Variants in SLC12A7 observed in about 807,000 individuals in gnomAD.
SLC12A7 encodes the protein solute carrier family 12 member 7.
In SLC12A7, 100 loss-of-function variants were observed where a neutral mutation model predicts 120.6. The ratio of observed to expected loss-of-function variants is 0.83; its 90% CI spans 0.71 to 0.98. The LOEUF (loss-of-function observed/expected upper bound fraction) is 0.98. SLC12A7 is among the 50% of genes least tolerant of loss of function. SLC12A7 has a pLI of 0.00. For missense variants in SLC12A7, 1,373 were observed against 1,548.1 expected, an observed-to-expected ratio of 0.89 and a Z score of 1.90; for synonymous variants, 760 against 678.0, an observed-to-expected ratio of 1.12 and a Z score of -1.88.
intron 1 of SLC12A7, among the ~76,000 whole-genome samples, chr5:1,105,824 C>G (rs576074754): frequency 1.3e-4 from 20 of 152,308 alleles, no homozygotes; most frequent in Non-Finnish European, 2.5e-4. Context: ...CCAGACACCC[C>G]CAGCCCAGCC....
At chr5:1,108,330 G>A (rs773125268) in intron 1 of SLC12A7, among the ~76,000 whole-genome samples, 9 of 152,248 alleles carry the variant, frequency 5.9e-5, no homozygotes, top group Admixed American at 2.0e-4. Flanking sequence ...CAGCAGCCAC[G>A]GCGTTCCTGT....
intron 21 of SLC12A7, among the ~76,000 whole-genome samples, chr5:1,059,695 G>A (rs931027138): frequency 1.3e-5 from 2 of 150,974 alleles, no homozygotes; most frequent in African/African-American, 4.9e-5. Context: ...AGTTACCCAC[G>A]GAGCCAAAGC....
intron 1 of SLC12A7, among the ~76,000 whole-genome samples, chr5:1,103,726 C>G (rs1387238972): frequency 6.6e-6 from 1 of 152,236 alleles, no homozygotes; most frequent in Non-Finnish European, 1.5e-5. Context: ...CCAGACTGCA[C>G]GACCCACGGG....
At chr5:1,135,114 A>C in the SLC12A7 span, among the ~76,000 whole-genome samples, 170 of 152,342 alleles carry the variant, frequency 1.1e-3, no homozygotes, top group Non-Finnish European at 2.1e-3. Flanking sequence ...GCGACAGGGC[A>C]AGACTCCATC....
chr5:1,068,681 C>T (rs893631893), intron 17 of SLC12A7, among the ~76,000 whole-genome samples: 3 of 152,200 alleles, frequency 2.0e-5, no homozygotes, highest in Non-Finnish European at 2.9e-5. Context: ...TCCGCAAGAG[C>T]GGGCTCCTGT....
chr5:1,058,986 G>A (rs1166040615), intron 21 of SLC12A7, among the ~76,000 whole-genome samples: 1 of 152,168 alleles, frequency 6.6e-6, no homozygotes, highest in African/African-American at 2.4e-5. Flanking sequence ...GTCCCTCCTC[G>A]GTCAGCATTT....
upstream of SLC12A7, among the ~76,000 whole-genome samples, chr5:1,113,969 G>A (rs544775293): frequency 6.6e-6 from 1 of 152,296 alleles, no homozygotes; most frequent in African/African-American, 2.4e-5. Context: ...GGCTCCCGTC[G>A]CACATCCAAG....
At position 1,093,615 on chromosome 5, in the gene SLC12A7, T is replaced by C. The variant is rs774886687; in HGVS notation, c.260A>G (p.Asn87Ser). The change falls in exon 3 of 24, where the codon AAC (asparagine) becomes AGC (serine). Residue 87 changes from asparagine to serine, a missense_variant. Transcript: ENST00000264930. Reference sequence around the variant, plus strand: ...CAGGTTGGTGTAGTTGGCCAGCTTGTTGAGCAGCGAGGACACCATGGGGTT... The same window carrying C: ...CAGGTTGGTGTAGTTGGCCAGCTTGCTGAGCAGCGAGGACACCATGGGGTT... ...DSNPMVSSLL[N>S]KLANYTNLSQ... The C allele has an allele frequency of 3.1e-6, 5 of 1,613,052 alleles. No homozygotes were observed. In the East Asian group the frequency reaches 8.9e-5, roughly 29 times the overall value.
At position 1,065,467 on chromosome 5, in the gene SLC12A7, G is replaced by T. The variant is rs1484144243; in HGVS notation, c.2253C>A (p.Ser751=). The T allele has an allele frequency of 1.3e-6, 2 of 1,592,632 alleles. No individual in the cohort carries two copies. The highest frequency in any genetic ancestry group is 2.7e-5 in the African/African-American group (2 of 74,326). Residue 751 remains serine, a synonymous_variant, in exon 18 of 24, where the codon TCC becomes TCA. Transcript: ENST00000264930. ...EAQRAEENIR[S]LMSTEKTKGF... ...CCTTGGTCTTCTCTGTGCTCATTAG[G>T]GACCGTATGTTCTGCGGGAGACAGG...
At chr5:1,147,860 C>G in the SLC12A7 span, among the ~76,000 whole-genome samples, 3 of 152,104 alleles carry the variant, frequency 2.0e-5, no homozygotes, top group Admixed American at 2.0e-4. Context: ...GCTTCCCAAG[C>G]AGGTGGGACC....
chr5:1,133,929 A>T, the SLC12A7 span, among the ~76,000 whole-genome samples: 12 of 151,830 alleles, frequency 7.9e-5, no homozygotes, highest in Non-Finnish European at 1.8e-4. Flanking sequence ...TAACCGCTGC[A>T]TGGCCTTCCT....
At position 1,106,324 on chromosome 5, in the gene SLC12A7, G is replaced by A. The variant is rs760792628; in HGVS notation, c.124+5544C>T. ...AAAACTTAGCCAGGCGCGGTGGTGC[G>A]TGCCTGTGGTCCCCGCTACTCGGGA... On this transcript the variant is annotated intron_variant, in intron 1 of 23. Coordinates refer to ENST00000264930, the MANE Select transcript of SLC12A7 (RefSeq NM_006598.3). Among the ~76,000 whole-genome samples the A allele has an allele frequency of 2.4e-4, 37 of 152,208 alleles. 1 individual carries two copies. The highest frequency in any genetic ancestry group is 2.8e-4 in the Non-Finnish European group (19 of 67,988).
chr5:1,075,945 A>G (rs1738278954), intron 14 of SLC12A7, 193 bp downstream of exon 14: 2 of 575,076 alleles, frequency 3.5e-6, no homozygotes, highest in South Asian at 4.6e-5. Context: ...TCAGCTGCGC[A>G]GGGGCTTACT....
chr5:1,148,165 C>T, the SLC12A7 span, among the ~76,000 whole-genome samples: 1 of 150,940 alleles, frequency 6.6e-6, no homozygotes, highest in Non-Finnish European at 1.5e-5. Flanking sequence ...AAATATTTTA[C>T]AGAGTTTGCT....
intron 22 of SLC12A7, chr5:1,056,608 A>T (rs1288134984): frequency 4.1e-6 from 4 of 984,736 alleles, no homozygotes; most frequent in Non-Finnish European, 4.8e-6. Context: ...TATGCAGGAG[A>T]AAAAAACAAG....
chr5:1,123,392 G>T, the SLC12A7 span, among the ~76,000 whole-genome samples: 4 of 152,160 alleles, frequency 2.6e-5, no homozygotes, highest in African/African-American at 9.7e-5. Context: ...GCACCTGCAA[G>T]CACAGCCCTG....
chr5:1,088,036 C>T (rs1740079699), intron 5 of SLC12A7, among the ~76,000 whole-genome samples: 1 of 152,170 alleles, frequency 6.6e-6, no homozygotes, highest in Non-Finnish European at 1.5e-5. Context: ...ATCGCCCGTG[C>T]CTCCCCCTCC....
intron 5 of SLC12A7, 68 bp from the exon 6 acceptor site, chr5:1,087,101 C>T (rs1020089843): frequency 2.1e-5 from 32 of 1,510,708 alleles, no homozygotes; most frequent in South Asian, 3.8e-5. Flanking sequence ...GTGCGGTCTG[C>T]GCTGCCATTC....
At position 1,093,617 on chromosome 5, in the gene SLC12A7, G is replaced by A. The variant is rs1198498587; in HGVS notation, c.258C>T (p.Leu86=). 6.2e-7 allele frequency: 1 copy of A among 1,613,166 alleles called. No individual in the cohort carries two copies. Among genetic ancestry groups the A allele is most frequent in the Non-Finnish European group, 8.5e-7 (1 of 1,179,892 alleles). The stretch of plus-strand genomic sequence containing the variant: ...GGTTGGTGTAGTTGGCCAGCTTGTT[G>A]AGCAGCGAGGACACCATGGGGTTAC... ...MDSNPMVSSL[L]NKLANYTNLS... Residue 86 remains leucine, a synonymous_variant, in exon 3 of 24, where the codon CTC becomes CTT. Transcript: ENST00000264930.
Sources: allele counts gnomAD v4.1 joint callset (sites outside exome capture counted in the v4.1 genomes callset), GRCh38; gene constraint gnomAD v4.1.1; transcripts MANE v1.5; gene names NCBI Gene and HGNC (gene_info 2026-07-23, HGNC 2026-07-21).